Variants in SQOR observed in about 807,000 individuals in gnomAD.
SQOR encodes the protein sulfide:quinone oxidoreductase, mitochondrial.
In SQOR, 39 loss-of-function variants were observed where a neutral mutation model predicts 48.6. The ratio of observed to expected loss-of-function variants is 0.80; its 90% CI spans 0.62 to 1.05. SQOR has a LOEUF of 1.05. Among genes scored for constraint, SQOR ranks in the 50% least tolerant of loss-of-function variants. The pLI, the probability that SQOR is intolerant of heterozygous loss-of-function variation, is 0.00. For synonymous variants in SQOR, 220 were observed against 206.2 expected, an observed-to-expected ratio of 1.07 and a Z score of -0.57; for missense variants, 561 against 559.9, an observed-to-expected ratio of 1.00 and a Z score of -0.02.
intron 1 of SQOR, among the ~76,000 whole-genome samples, chr15:45,650,465 A>G (rs1347665306): frequency 7.2e-5 from 11 of 152,342 alleles, no homozygotes; most frequent in African/African-American, 2.4e-4. Context: ...TGAGTGTTAC[A>G]GCACATAAGG....
At chr15:45,631,766 G>A (rs1894902697), upstream of SQOR, 1 of 152,240 alleles carries the variant, frequency 6.6e-6, no homozygotes, top group Non-Finnish European at 1.5e-5. Context: ...TCTCCCGGAT[G>A]TTCTTGAATT....
rs1555401665 is a variant in SQOR at position 45,669,967 on chromosome 15, C to T, written c.445C>T (p.Leu149=). 1.2e-6 allele frequency: 2 copies of T among 1,613,980 alleles called. No individual in the cohort carries two copies. The highest frequency in any genetic ancestry group is 1.7e-5 in the Admixed American group (1 of 59,992). The change falls in exon 4 of 10, where the codon CTG becomes TTG. Residue 149 remains leucine (L), a synonymous_variant. Transcript: ENST00000260324. ...TCTTATTATTGCTCTCGGAATCCAG[C>T]TGGACTATGAGAAGGTACCGTGTGA... ...RYLIIALGIQ[L]DYEKIKGLPE...
intron 1 of SQOR, among the ~76,000 whole-genome samples, chr15:45,650,224 C>G (rs115014909): frequency 0.029 from 4,415 of 152,234 alleles, 257 homozygotes; most frequent in African/African-American, 0.1. Flanking sequence ...ATTGCCACCT[C>G]CACTTCCTGG....
At chr15:45,663,030 T>G (rs779042271) in intron 3 of SQOR, among the ~76,000 whole-genome samples, 23 of 152,126 alleles carry the variant, frequency 1.5e-4, no homozygotes, top group Non-Finnish European at 2.9e-4. Context: ...AGGCATTATT[T>G]TTTTTGAGAC....
intron 6 of SQOR, among the ~76,000 whole-genome samples, chr15:45,678,156 A>G (rs997564577): frequency 3.3e-5 from 5 of 152,214 alleles, no homozygotes; most frequent in Non-Finnish European, 7.3e-5. Flanking sequence ...TCCAGGGGAT[A>G]ATTACAATTT....
At chr15:45,642,421 TAA>T (rs980148750) in intron 1 of SQOR, among the ~76,000 whole-genome samples, 24 of 152,332 alleles carry the variant, frequency 1.6e-4, no homozygotes, top group African/African-American at 5.3e-4. Flanking sequence ...CCAAATTTTT[TAA>T]TGTTGATGAC....
In SQOR at chr15:45,675,049, C is replaced by T. The variant is rs573603248; in HGVS notation, c.655-1052C>T. Among the ~76,000 whole-genome samples the T allele has an allele frequency of 8.5e-5, 13 of 152,248 alleles. No individual in the cohort carries two copies. In the South Asian group the frequency reaches 2.5e-3, roughly 29 times the overall value. ...GGCAGTTCCAGTAATCATTTCTGACCCCAAGAAAGTTCATTCTGGGTCATA... is the reference window on the plus strand; with the variant it reads ...GGCAGTTCCAGTAATCATTTCTGACTCCAAGAAAGTTCATTCTGGGTCATA... On this transcript the variant is annotated intron_variant, in intron 5 of 9. Coordinates refer to ENST00000260324, the MANE Select transcript of SQOR (RefSeq NM_021199.4).
chr15:45,642,703 G>A (rs1402149453), intron 1 of SQOR, among the ~76,000 whole-genome samples: 1 of 152,124 alleles, frequency 6.6e-6, no homozygotes, highest in Non-Finnish European at 1.5e-5. Flanking sequence ...CTGTCCAAAA[G>A]TAGCCCGAAC....
At chr15:45,654,156 T>G (rs944117772) in intron 1 of SQOR, among the ~76,000 whole-genome samples, 6 of 151,980 alleles carry the variant, frequency 3.9e-5, no homozygotes, top group Admixed American at 3.9e-4. Context: ...AAATTATGAT[T>G]CTGCATTATT....
intron 6 of SQOR, among the ~76,000 whole-genome samples, chr15:45,680,256 G>A (rs1017343929): frequency 4.0e-5 from 6 of 151,832 alleles, no homozygotes; most frequent in East Asian, 1.9e-4. Context: ...TACCATGCCC[G>A]GGTAATTTTT....
At chr15:45,652,686 G>A (rs1889517602) in intron 1 of SQOR, among the ~76,000 whole-genome samples, 1 of 124,742 alleles carries the variant, frequency 8.0e-6, no homozygotes, top group South Asian at 2.5e-4. Context: ...AAGATTGTGT[G>A]GCTGGCCGGG....
chr15:45,678,229 C>A (rs919401127), intron 6 of SQOR, among the ~76,000 whole-genome samples: 1 of 152,184 alleles, frequency 6.6e-6, no homozygotes, highest in South Asian at 2.1e-4. Context: ...TGTAAATAGT[C>A]TACTCATTCA....
chr15:45,637,344 T>G (rs1188022223), intron 1 of SQOR, among the ~76,000 whole-genome samples: 1 of 152,160 alleles, frequency 6.6e-6, no homozygotes, highest in African/African-American at 2.4e-5. Flanking sequence ...TCCCAAGTAT[T>G]TAAGGCACCC....
chr15:45,690,505 T>G (rs952681865), intron 9 of SQOR, among the ~76,000 whole-genome samples: 1 of 152,216 alleles, frequency 6.6e-6, no homozygotes, highest in Non-Finnish European at 1.5e-5. Context: ...CATTTGATAA[T>G]TTCTGGAGAC....
chr15:45,644,934 T>C (rs1409289787), intron 1 of SQOR, among the ~76,000 whole-genome samples: 2 of 152,164 alleles, frequency 1.3e-5, no homozygotes, highest in South Asian at 2.1e-4. Context: ...GGTGTGGTCA[T>C]AGGCAAGCCA....
intron 6 of SQOR, among the ~76,000 whole-genome samples, chr15:45,681,409 C>A (rs1479504953): frequency 6.6e-6 from 1 of 152,138 alleles, no homozygotes; most frequent in Non-Finnish European, 1.5e-5. Context: ...TTGCAGTGCT[C>A]CTTCCCTGAG....
At chr15:45,643,473 G>A (rs1399081672) in intron 1 of SQOR, among the ~76,000 whole-genome samples, 1 of 152,184 alleles carries the variant, frequency 6.6e-6, no homozygotes, top group East Asian at 1.9e-4. Context: ...GGGATTACAG[G>A]CGTGAGCCAC....
intron 1 of SQOR, among the ~76,000 whole-genome samples, chr15:45,653,459 G>T (rs1190657700): frequency 1.3e-5 from 2 of 152,170 alleles, no homozygotes; most frequent in Non-Finnish European, 2.9e-5. Context: ...GACATATGGG[G>T]CAAGGTAGCA....
chr15:45,639,787 T>C (rs1895073199), intron 1 of SQOR, among the ~76,000 whole-genome samples: 1 of 152,186 alleles, frequency 6.6e-6, no homozygotes, highest in Admixed American at 6.5e-5. Flanking sequence ...AAATGATGCT[T>C]GAGATGGATG....
Sources: allele counts gnomAD v4.1 joint callset (sites outside exome capture counted in the v4.1 genomes callset), GRCh38; gene constraint gnomAD v4.1.1; transcripts MANE v1.5; gene names NCBI Gene and HGNC (gene_info 2026-07-23, HGNC 2026-07-21).